Variants in PAH observed in about 807,000 individuals in gnomAD.
The protein encoded by PAH is phenylalanine-4-hydroxylase.
In PAH, 64 loss-of-function variants were observed where a neutral mutation model predicts 62.0. The ratio of observed to expected loss-of-function variants is 1.03; its 90% CI spans 0.84 to 1.27. The LOEUF (loss-of-function observed/expected upper bound fraction) is 1.27. Ranked by LOEUF, PAH falls within the 50% of genes most tolerant of loss-of-function variation. The pLI is 0.00. For missense variants in PAH, 579 were observed against 542.8 expected (o/e 1.07, Z -0.66); for synonymous variants, 195 against 196.2 (o/e 0.99, Z 0.05).
At chr12:102,939,164 C>A (rs1257823413) in intron 1 of PAH, among the ~76,000 whole-genome samples, 1 of 152,102 alleles carries the variant, frequency 6.6e-6, no homozygotes, top group East Asian at 1.9e-4. Flanking sequence ...TATCCCACCT[C>A]CAGCTGAACA....
chr12:102,924,542 C>G (rs1878637127), intron 1 of PAH, among the ~76,000 whole-genome samples: 1 of 152,144 alleles, frequency 6.6e-6, no homozygotes, highest in Admixed American at 6.6e-5. Context: ...TTGGGTCAGA[C>G]AGCAGAATTA....
chr12:102,882,664 A>ATACAC (rs1876866974), intron 3 of PAH, among the ~76,000 whole-genome samples: 1 of 41,936 alleles, frequency 2.4e-5, no homozygotes, highest in Non-Finnish European at 4.2e-5. Flanking sequence ...ATATATATAT[A>ATACAC]TATATATATA....
At chr12:102,952,306 T>C (rs546121896), upstream of PAH, among the ~76,000 whole-genome samples, 17 of 151,850 alleles carry the variant, frequency 1.1e-4, no homozygotes, top group Non-Finnish European at 2.5e-4. Flanking sequence ...AATGCACCAT[T>C]TATTGTAAGT....
chr12:102,910,387 T>G (rs141501114), intron 2 of PAH, among the ~76,000 whole-genome samples: 32,177 of 149,344 alleles, frequency 0.22, 4,212 homozygotes, highest in African/African-American at 0.36. Context: ...TTTTTTTTTT[T>G]GGGGAGGGAG....
intron 5 of PAH, among the ~76,000 whole-genome samples, chr12:102,856,787 G>A (rs1875456229): frequency 6.6e-6 from 1 of 152,228 alleles, no homozygotes; most frequent in Admixed American, 6.5e-5. Context: ...CTGTTAGAAG[G>A]AAAACTAACA....
intron 11 of PAH, among the ~76,000 whole-genome samples, chr12:102,842,967 G>A (rs1157423940): frequency 6.6e-6 from 1 of 152,036 alleles, no homozygotes; most frequent in African/African-American, 2.4e-5. Flanking sequence ...CTGCTTGGGT[G>A]CAGGAACTGT....
chr12:102,873,657 C>A (rs1380475694), intron 4 of PAH, among the ~76,000 whole-genome samples: 1 of 152,158 alleles, frequency 6.6e-6, no homozygotes, highest in Non-Finnish European at 1.5e-5. Flanking sequence ...GGCATTTATG[C>A]ACTTTTTTGA....
At chr12:102,857,889 A>T (rs1052604499) in intron 5 of PAH, among the ~76,000 whole-genome samples, 2 of 152,352 alleles carry the variant, frequency 1.3e-5, no homozygotes, top group Non-Finnish European at 2.9e-5. Context: ...TGTAAAGACC[A>T]TTGATTCCGG....
intron 8 of PAH, among the ~76,000 whole-genome samples, chr12:102,848,877 G>C (rs1457423780): frequency 6.6e-6 from 1 of 151,800 alleles, no homozygotes; most frequent in African/African-American, 2.4e-5. Flanking sequence ...CCAGGAGACT[G>C]GAGAGGTGGA....
At chr12:102,885,858 G>C (rs1877019793) in intron 3 of PAH, among the ~76,000 whole-genome samples, 1 of 152,178 alleles carries the variant, frequency 6.6e-6, no homozygotes, top group Non-Finnish European at 1.5e-5. Flanking sequence ...CTGTCTCAGA[G>C]AGAGCAATAA....
At chr12:102,879,617 A>G (rs1053415699) in intron 3 of PAH, among the ~76,000 whole-genome samples, 2 of 145,126 alleles carry the variant, frequency 1.4e-5, no homozygotes, top group African/African-American at 2.5e-5. Context: ...GGGGGGGGGT[A>G]CTATTAATGT....
At position 102,853,209 on chromosome 12, in the gene PAH, A is replaced by C. The variant is rs1875259953; in HGVS notation, c.707-259T>G. ...TCTTAGAAATGTTCCAAGAATAAAA[A>C]GAGCTAATGAATACAAAGTACTTAG... On this transcript the variant is annotated intron_variant, in intron 6 of 12. Coordinates refer to ENST00000553106, the MANE Select transcript of PAH (RefSeq NM_000277.3). 3 of 502,954 alleles carry C rather than the reference A, an allele frequency of 6.0e-6. No homozygotes were observed. The East Asian group carries it at 1.2e-4, about 20-fold the overall frequency. The allele number at this position is 502,954 out of a possible 1,614,324, so 31.2% of individuals were successfully genotyped here.
At chr12:102,896,003 A>G (rs1877490049) in intron 2 of PAH, among the ~76,000 whole-genome samples, 1 of 152,048 alleles carries the variant, frequency 6.6e-6, no homozygotes, top group South Asian at 2.1e-4. Flanking sequence ...GAACAAAATA[A>G]AGATGCTTTC....
intron 1 of PAH, among the ~76,000 whole-genome samples, chr12:102,941,241 A>G (rs952716956): frequency 2.0e-5 from 3 of 152,210 alleles, no homozygotes; most frequent in Admixed American, 6.5e-5. Context: ...GACACTGTAA[A>G]GCAACTACAC....
chr12:102,850,857 A>T (rs947718723), intron 8 of PAH, among the ~76,000 whole-genome samples: 7 of 152,068 alleles, frequency 4.6e-5, no homozygotes, highest in Admixed American at 3.3e-4. Flanking sequence ...GGAGGGTGAG[A>T]TGGGAGGATT....
intron 4 of PAH, among the ~76,000 whole-genome samples, chr12:102,875,601 C>T (rs4764919): frequency 4.5e-3 from 683 of 152,234 alleles, no homozygotes; most frequent in Non-Finnish European, 6.9e-3. Flanking sequence ...GCAACCTTGG[C>T]GCCCCAGGGC....
chr12:102,840,362 G>A (rs1174756076), intron 12 of PAH, 38 bp downstream of exon 12: 3 of 1,215,998 alleles, frequency 2.5e-6, no homozygotes, highest in East Asian at 4.7e-5. Context: ...TTCGATTACT[G>A]AGAAACCGAG....
intron 2 of PAH, among the ~76,000 whole-genome samples, chr12:102,912,246 A>T (rs921706072): frequency 2.0e-5 from 3 of 152,202 alleles, no homozygotes; most frequent in Non-Finnish European, 2.9e-5. Flanking sequence ...TAATCATAAG[A>T]CATTTACCAA....
At chr12:102,890,185 G>A (rs150257943) in intron 3 of PAH, among the ~76,000 whole-genome samples, 115 of 152,294 alleles carry the variant, frequency 7.6e-4, no homozygotes, top group African/African-American at 2.5e-3. Context: ...AAAAACTAGA[G>A]TGGAAAGTAG....
Sources: allele counts gnomAD v4.1 joint callset (sites outside exome capture counted in the v4.1 genomes callset), GRCh38; gene constraint gnomAD v4.1.1; transcripts MANE v1.5; gene names NCBI Gene and HGNC (gene_info 2026-07-23, HGNC 2026-07-21).